Variants in DOP1B observed in about 807,000 individuals in gnomAD.
DOP1B encodes DOP1 leucine zipper like protein B.
In DOP1B, 174 loss-of-function variants were observed where a neutral mutation model predicts 233.5. The ratio of observed to expected loss-of-function variants is 0.75; its 90% CI spans 0.66 to 0.85. The LOEUF is 0.85. Among genes scored for constraint, DOP1B ranks in the 40% least tolerant of loss-of-function variants. DOP1B has a pLI of 0.00. For synonymous variants in DOP1B, 1,190 were observed against 1,185.6 expected (o/e 1.00, Z -0.08); for missense variants, 2,652 against 2,846.6 (o/e 0.93, Z 1.56).
intron 16 of DOP1B, 24 bp downstream of exon 16, chr21:36,237,438 C>T (rs1449825630): frequency 6.2e-7 from 1 of 1,612,610 alleles, no homozygotes; most frequent in African/African-American, 1.3e-5. Flanking sequence ...GCCGCCACCT[C>T]CATCCTGCAG....
Position 36,245,071 on chromosome 21 carries a change from AG to A in DOP1B, c.3093del (p.Lys1032ArgfsTer25), listed in dbSNP as rs745408672. 1 of 1,597,724 alleles carries A rather than the reference AG, an allele frequency of 6.3e-7. No individual in the cohort carries two copies. Among genetic ancestry groups the A allele is most frequent in the Non-Finnish European group, 8.6e-7 (1 of 1,166,722 alleles). On this transcript the variant is annotated frameshift_variant, in exon 19 of 37. Coordinates refer to ENST00000691173, the MANE Select transcript of DOP1B (RefSeq NM_001320714.2). LOFTEE classifies it high-confidence loss of function. The surrounding 1 kb of genome is among the most constrained non-coding windows in gnomAD (Gnocchi z 5.5). ...AGATGACTTGCACCGTTGGTTTAAC[AG>A]GAAGAAAACCTCTTTCAGAGAGGCA... is the stretch of plus-strand genomic sequence containing the variant. ...SADDLHRWFN[R>X]KKTSFREACA...
intron 27 of DOP1B, among the ~76,000 whole-genome samples, chr21:36,274,365 A>G (rs2067326022): frequency 6.6e-6 from 1 of 152,238 alleles, no homozygotes; most frequent in Non-Finnish European, 1.5e-5. Context: ...TAGTTATTTT[A>G]GAAAATGCAG....
rs2066954948 is a variant in DOP1B, at chr21:36,245,890, A to G, written c.3910A>G (p.Asn1304Asp). 1.9e-6 allele frequency: 3 copies of G among 1,613,656 alleles called. No individual in the cohort carries two copies. Among genetic ancestry groups the G allele is most frequent in the Non-Finnish European group, 2.5e-6 (3 of 1,179,968 alleles). ...CGGAAAGCTCCAGACCCAGGTCCCC[A>G]ACGTGTGCCCCCACTCTCTGCTCCT... ...FYGKLQTQVPNVCPHSLLLEL... is the reference protein window; with the variant it reads ...FYGKLQTQVPDVCPHSLLLEL... The change falls in exon 19 of 37, where the codon AAC (asparagine) becomes GAC (aspartate). Residue 1304 changes from asparagine (N) to aspartate (D), a missense_variant. Transcript: ENST00000691173. The surrounding 1 kb of genome is among the most constrained non-coding windows in gnomAD (Gnocchi z 5.5).
chr21:36,230,532 CTCTGAAG>C lies in DOP1B; in HGVS notation c.1754_1760del (p.Lys585ArgfsTer18). The C allele has an allele frequency of 6.2e-7, 1 of 1,614,206 alleles. No homozygotes were observed. Among genetic ancestry groups the C allele is most frequent in the Non-Finnish European group, 8.5e-7 (1 of 1,180,032 alleles). On this transcript the variant is annotated frameshift_variant, in exon 14 of 37. Coordinates refer to ENST00000691173, the MANE Select transcript of DOP1B (RefSeq NM_001320714.2). LOFTEE classifies it high-confidence loss of function. ...GGTGACGAAGATGCTTCGTTTCCCC[CTCTGAAG>C]TCTGAGGACAGTGGGATCGGGCTCA...
chr21:36,279,250 A>C (rs897632762), intron 30 of DOP1B, among the ~76,000 whole-genome samples: 7 of 151,704 alleles, frequency 4.6e-5, no homozygotes, highest in Non-Finnish European at 7.4e-5. Flanking sequence ...ATCTCTACAA[A>C]AAAAAAAAAT....
chr21:36,230,752 C>G lies in DOP1B; in HGVS notation c.1968C>G (p.Ser656=). 6.2e-7 allele frequency: 1 copy of G among 1,614,144 alleles called. No homozygotes were observed. Among genetic ancestry groups the G allele is most frequent in the Non-Finnish European group, 8.5e-7 (1 of 1,180,034 alleles). Residue 656 remains serine, a synonymous_variant, in exon 14 of 37, where the codon TCC becomes TCG. Coordinates refer to ENST00000691173, the MANE Select transcript of DOP1B (RefSeq NM_001320714.2). ...QLTASGEESK[S]EEPAGKRDRD... ...CAGCGTCAGGAGAAGAAAGCAAGTC[C>G]GAGGAGCCTGCAGGGAAGAGGGACA...
At chr21:36,275,097 G>C (rs1341365912) in intron 27 of DOP1B, among the ~76,000 whole-genome samples, 1 of 152,000 alleles carries the variant, frequency 6.6e-6, no homozygotes, top group Non-Finnish European at 1.5e-5. Context: ...TGCCCGCCTT[G>C]GCCTCCCAAA....
At chr21:36,250,271 C>T (rs1296661764) in intron 21 of DOP1B, among the ~76,000 whole-genome samples, 2 of 152,192 alleles carry the variant, frequency 1.3e-5, no homozygotes, top group African/African-American at 2.4e-5. Flanking sequence ...TCACAGGAAG[C>T]GCTGGGTAAA....
intron 2 of DOP1B, among the ~76,000 whole-genome samples, chr21:36,166,909 C>T (rs575799425): frequency 4.6e-5 from 7 of 152,150 alleles, no homozygotes; most frequent in African/African-American, 1.4e-4. Flanking sequence ...GTAAATGTCA[C>T]GGCTCCGTGC....
chr21:36,263,095 G>A (rs561927541), intron 24 of DOP1B, among the ~76,000 whole-genome samples: 6 of 151,976 alleles, frequency 3.9e-5, no homozygotes, highest in East Asian at 3.9e-4. Context: ...TTAGCCGAGC[G>A]TGGTGGCACA....
Position 36,245,481 on chromosome 21 carries a change from A to T in DOP1B, c.3501A>T (p.Ser1167=). 6.2e-7 allele frequency: 1 copy of T among 1,613,850 alleles called. No homozygotes were observed. Among genetic ancestry groups the T allele is most frequent in the South Asian group, 1.1e-5 (1 of 91,090 alleles). ...CGGCCCTGCTGGCGGCCTTCCAGTC[A>T]GAAAGCTTCAAGGCTGGGGCCAAGT... ...KRSALLAAFQ[S]ESFKAGAKLS... The change falls in exon 19 of 37, where the codon TCA becomes TCT. Residue 1167 remains serine, a synonymous_variant. Transcript: ENST00000691173. This position sits in a 1 kb window ranked among gnomAD's most constrained non-coding sequence, Gnocchi z 5.5.
At chr21:36,175,467 T>G (rs1443107747) in intron 2 of DOP1B, among the ~76,000 whole-genome samples, 1 of 152,132 alleles carries the variant, frequency 6.6e-6, no homozygotes, top group Non-Finnish European at 1.5e-5. Context: ...TCACCCTAAC[T>G]GCTTCATTCT....
At chr21:36,260,159 GAA>G (rs34320440) in intron 23 of DOP1B, among the ~76,000 whole-genome samples, 1,466 of 135,018 alleles carry the variant, frequency 0.011, 33 homozygotes, top group African/African-American at 0.036. Flanking sequence ...CTTGTAAAAA[GAA>G]AAAAAAAAAA....
intron 2 of DOP1B, among the ~76,000 whole-genome samples, chr21:36,196,018 T>C (rs2066286776): frequency 6.6e-6 from 1 of 152,270 alleles, no homozygotes; most frequent in Non-Finnish European, 1.5e-5. Flanking sequence ...CCCAAGTATG[T>C]CACGTTGCCG....
intron 11 of DOP1B, 127 bp downstream of exon 11, chr21:36,223,477 A>G (rs2066649186): frequency 8.2e-7 from 1 of 1,225,486 alleles, no homozygotes; most frequent in African/African-American, 1.6e-5. Context: ...TGAGTTTTAA[A>G]ATTCAACTAA....
Position 36,251,263 on chromosome 21 carries a change from C to G in DOP1B, c.5100C>G (p.Ala1700=). The change falls in exon 22 of 37, where the codon GCC becomes GCG. Residue 1700 remains alanine, a synonymous_variant. Transcript: ENST00000691173. ...CGGCAGTGTGGAGCAGAAAGAAAGC[C>G]CAGCGTCACAGTAAGATGAAGGTAA... ...AVAAVWSRKK[A]QRHSKMKIIP... is the part of the protein sequence containing the mutation. 2 of 1,613,036 alleles carry G rather than the reference C, an allele frequency of 1.2e-6. No individual in the cohort carries two copies. Among genetic ancestry groups the G allele is most frequent in the Non-Finnish European group, 1.7e-6 (2 of 1,179,734 alleles).
chr21:36,263,592 G>C lies in DOP1B; in HGVS notation c.5362G>C (p.Val1788Leu). ...AGAGAACTTTTCTTCACTGTTGGGA[G>C]TATTGAAAGAGTCTGTACAGTTGAA... ...LQENFSSLLG[V>L]LKESVQLNLA... The change falls in exon 25 of 37, where the codon GTA becomes CTA. Residue 1788 changes from valine (V) to leucine (L), a missense_variant. Val to Leu is a conservative substitution (Grantham distance 32). Coordinates refer to ENST00000691173, the MANE Select transcript of DOP1B (RefSeq NM_001320714.2). 6.2e-7 allele frequency: 1 copy of C among 1,614,168 alleles called. No individual in the cohort carries two copies. Among genetic ancestry groups the C allele is most frequent in the Non-Finnish European group, 8.5e-7 (1 of 1,180,032 alleles).
At chr21:36,239,201 CAT>C (rs1486861025) in intron 17 of DOP1B, among the ~76,000 whole-genome samples, 6 of 152,286 alleles carry the variant, frequency 3.9e-5, no homozygotes, top group South Asian at 2.1e-4. Context: ...CATGTGAACA[CAT>C]GTTAGGAATT....
intron 2 of DOP1B, among the ~76,000 whole-genome samples, chr21:36,165,968 C>T (rs555957523): frequency 1.6e-4 from 24 of 151,632 alleles, no homozygotes; most frequent in Non-Finnish European, 2.2e-4. Flanking sequence ...CCACCCACCT[C>T]GGCCTCCCAA....
Sources: allele counts gnomAD v4.1 joint callset (sites outside exome capture counted in the v4.1 genomes callset), GRCh38; gene constraint gnomAD v4.1.1; non-coding constraint Gnocchi (gnomAD v3.1); transcripts MANE v1.5; gene names NCBI Gene and HGNC (gene_info 2026-07-23, HGNC 2026-07-21).